The following RADIL variants were observed in gnomAD, a reference collection of about 807,000 sequenced individuals.
The protein encoded by RADIL is Rap associating with DIL domain.
A neutral mutation model predicts 97.6 loss-of-function variants in RADIL; 99 were observed. That is an observed-to-expected ratio of 1.01 (90% CI 0.86 to 1.20). The LOEUF (loss-of-function observed/expected upper bound fraction) is 1.20, where lower values mean the gene tolerates loss of function less well. Among genes scored for constraint, RADIL ranks in the 50% most tolerant of loss-of-function variants. The pLI is 0.00. For synonymous variants in RADIL, 803 were observed against 691.8 expected, an observed-to-expected ratio of 1.16 and a Z score of -2.52; for missense variants, 1,765 against 1,498.9, an observed-to-expected ratio of 1.18 and a Z score of -2.93.
At chr7:4,865,495 C>T (rs2115039044) in intron 2 of RADIL, 2 of 783,062 alleles carry the variant, frequency 2.6e-6, no homozygotes, top group Middle Eastern at 7.1e-4. Flanking sequence ...TCGTAACTCT[C>T]TTTGCTGTTA....
rs1462912286 is a variant in RADIL, at chr7:4,880,457, T to C, written c.-64-2254A>G. On this transcript the variant is annotated intron_variant, in intron 1 of 14. Transcript: ENST00000399583. This position sits in a 1 kb window ranked among gnomAD's most constrained non-coding sequence, Gnocchi z 4.5. ...TCTGACCTCAGTCTCCTGTGGTCAG[T>C]TTTCAAAGTGAGTACTTGGAATCAC... Among the ~76,000 whole-genome samples, 1 of 152,056 alleles carries C rather than the reference T, an allele frequency of 6.6e-6. No individual in the cohort carries two copies. Among genetic ancestry groups the C allele is most frequent in the African/African-American group, 2.4e-5 (1 of 41,398 alleles).
At chr7:4,804,165 G>A (rs532810079) in intron 10 of RADIL, 5 of 295,052 alleles carry the variant, frequency 1.7e-5, no homozygotes, top group African/African-American at 4.3e-5. Flanking sequence ...CAGGAATCAC[G>A]GGACCCAAAC....
chr7:4,815,538 G>A lies in RADIL; in HGVS notation c.1967-88C>T, dbSNP rs1203832880. The A allele has an allele frequency of 1.5e-5, 20 of 1,346,610 alleles. No homozygotes were observed. Among genetic ancestry groups the A allele is most frequent in the East Asian group, 8.1e-5 (3 of 36,894 alleles). The allele number at this position is 1,346,610 out of a possible 1,614,324, so 83.4% of individuals were successfully genotyped here. On this transcript the variant is annotated intron_variant, in intron 8 of 14. Coordinates refer to ENST00000399583, the MANE Select transcript of RADIL (RefSeq NM_018059.5). This position sits in a 1 kb window ranked among gnomAD's most constrained non-coding sequence, Gnocchi z 8.0. The stretch of plus-strand genomic sequence containing the variant: ...CCTGTCCCCAGAGCCTGCCCTTCCC[G>A]GCTCTGGGCCACTGAGGACATCACA...
chr7:4,839,771 A>G (rs1269525161), intron 2 of RADIL, among the ~76,000 whole-genome samples: 1 of 152,104 alleles, frequency 6.6e-6, no homozygotes, highest in Non-Finnish European at 1.5e-5. Context: ...TTTGGGACAG[A>G]GTCTCACTCT....
At chr7:4,830,796 C>T (rs1365794265) in intron 5 of RADIL, among the ~76,000 whole-genome samples, 2 of 152,112 alleles carry the variant, frequency 1.3e-5, no homozygotes, top group Admixed American at 6.6e-5. Context: ...GGGTGGATCA[C>T]AAGGTCAGGA....
intron 2 of RADIL, among the ~76,000 whole-genome samples, chr7:4,868,357 C>A (rs543819169): frequency 6.6e-6 from 1 of 152,332 alleles, no homozygotes; most frequent in East Asian, 1.9e-4. Flanking sequence ...CCACCTTGCC[C>A]GGCCATGAAC....
chr7:4,802,537 CA>C (rs1782134026), intron 11 of RADIL, among the ~76,000 whole-genome samples: 2 of 135,374 alleles, frequency 1.5e-5, no homozygotes, highest in African/African-American at 6.4e-5. Context: ...CTGGGCACCT[CA>C]GGGAATGCTG....
chr7:4,840,633 G>A lies in RADIL; in HGVS notation c.536-4028C>T, dbSNP rs991671427. Among the ~76,000 whole-genome samples the A allele has an allele frequency of 6.6e-6, 1 of 152,134 alleles. No individual in the cohort carries two copies. Among genetic ancestry groups the A allele is most frequent in the East Asian group, 1.9e-4 (1 of 5,186 alleles). ...CCTTATGCTACCAATGGGAGATTCCGCCAACATGAAATAAGTTCAGTGAGA... is the reference window on the plus strand; with the variant it reads ...CCTTATGCTACCAATGGGAGATTCCACCAACATGAAATAAGTTCAGTGAGA... On this transcript the variant is annotated intron_variant, in intron 2 of 14. Coordinates refer to ENST00000399583, the MANE Select transcript of RADIL (RefSeq NM_018059.5). The surrounding 1 kb of genome is among the most constrained non-coding windows in gnomAD (Gnocchi z 5.6).
In RADIL at chr7:4,842,784, G is replaced by A. The variant is rs1240815227; in HGVS notation, c.536-6179C>T. On this transcript the variant is annotated intron_variant, in intron 2 of 14. Transcript: ENST00000399583. This position sits in a 1 kb window ranked among gnomAD's most constrained non-coding sequence, Gnocchi z 4.5. ...CCTCAGAGATGAAGTGACTAGGAGT[G>A]GAGACGGAGGGGATAATGAAACGTT... Among the ~76,000 whole-genome samples, 1 of 152,104 alleles carries A rather than the reference G, an allele frequency of 6.6e-6. No individual in the cohort carries two copies. Among genetic ancestry groups the A allele is most frequent in the Non-Finnish European group, 1.5e-5 (1 of 68,034 alleles).
intron 5 of RADIL, among the ~76,000 whole-genome samples, chr7:4,830,027 CT>C (rs1284748993): frequency 2.0e-5 from 3 of 152,214 alleles, no homozygotes; most frequent in African/African-American, 7.2e-5. Flanking sequence ...GACACACCCC[CT>C]CCCTCACTGC....
chr7:4,859,753 G>A (rs1783927304), intron 2 of RADIL: 1 of 618,580 alleles, frequency 1.6e-6, no homozygotes, highest in South Asian at 2.0e-5. Flanking sequence ...CTATACTGAT[G>A]TTCCCTGAGA....
Position 4,840,041 on chromosome 7 carries a change from G to A in RADIL, c.536-3436C>T, listed in dbSNP as rs946335910. Among the ~76,000 whole-genome samples the A allele has an allele frequency of 1.6e-4, 24 of 152,172 alleles. No homozygotes were observed. Among genetic ancestry groups the A allele is most frequent in the Non-Finnish European group, 2.2e-4 (15 of 68,028 alleles). On this transcript the variant is annotated intron_variant, in intron 2 of 14. Coordinates refer to ENST00000399583, the MANE Select transcript of RADIL (RefSeq NM_018059.5). This position sits in a 1 kb window ranked among gnomAD's most constrained non-coding sequence, Gnocchi z 5.6. ...TGGAATTACAGGCGTGAGCCACCGC[G>A]CCCAGCATAAACACTTTTGTTAAAA... is the stretch of plus-strand genomic sequence containing the variant.
At chr7:4,804,978 C>T (rs1436955420) in intron 10 of RADIL, among the ~76,000 whole-genome samples, 3 of 151,974 alleles carry the variant, frequency 2.0e-5, no homozygotes, top group Non-Finnish European at 4.4e-5. Flanking sequence ...CCTGTAATCC[C>T]AGCTACTAGG....
At position 4,824,976 on chromosome 7, in the gene RADIL, C is replaced by G. The variant is rs967226756; in HGVS notation, c.1455-2422G>C. ...AGACTCGGGCCAGGTTGGCACTGAA[C>G]GCGCCCCCACCTGCCAACCTGGGGC... On this transcript the variant is annotated intron_variant, in intron 5 of 14. Transcript: ENST00000399583. The surrounding 1 kb of genome is among the most constrained non-coding windows in gnomAD (Gnocchi z 6.7). Among the ~76,000 whole-genome samples, 5 of 152,254 alleles carry G rather than the reference C, an allele frequency of 3.3e-5. No homozygotes were observed. The highest frequency in any genetic ancestry group is 3.4e-3 in the Middle Eastern group (1 of 294).
Position 4,879,631 on chromosome 7 carries a change from C to G in RADIL, c.-64-1428G>C, listed in dbSNP as rs1362032798. On this transcript the variant is annotated intron_variant, in intron 1 of 14. Transcript: ENST00000399583. The surrounding 1 kb of genome is among the most constrained non-coding windows in gnomAD (Gnocchi z 4.1). ...CAGCAGCCAACTGTCACTGTCCAGG[C>G]TTGACTCACTCGTCACGCTGCGGGC... 6.6e-6 allele frequency among the ~76,000 whole-genome samples: 1 copy of G among 152,200 alleles called. No homozygotes were observed. The highest frequency in any genetic ancestry group is 1.5e-5 in the Non-Finnish European group (1 of 68,048).
intron 5 of RADIL, among the ~76,000 whole-genome samples, chr7:4,827,609 C>A (rs770921633): frequency 1.3e-5 from 2 of 152,052 alleles, no homozygotes; most frequent in Non-Finnish European, 2.9e-5. Flanking sequence ...TGCAGTGAGC[C>A]GAGATCGTGC....
At chr7:4,809,248 C>T (rs1782463817) in intron 9 of RADIL, 1 of 985,232 alleles carries the variant, frequency 1.0e-6, no homozygotes, top group Non-Finnish European at 1.2e-6. Flanking sequence ...TCGGGCCTGG[C>T]CGCCAAGCTG....
At chr7:4,802,196 A>G (rs529406088) in intron 11 of RADIL, among the ~76,000 whole-genome samples, 2 of 152,318 alleles carry the variant, frequency 1.3e-5, no homozygotes, top group African/African-American at 2.4e-5. Flanking sequence ...GCGCTGGGCC[A>G]GGACTCCCGG....
Sources: gnomAD v4.1 joint callset for allele counts (sites outside exome capture counted in the v4.1 genomes callset) on GRCh38, gnomAD v4.1.1 for gene constraint, Gnocchi (gnomAD v3.1) non-coding constraint, MANE v1.5 for transcripts, NCBI Gene and HGNC (gene_info 2026-07-23, HGNC 2026-07-21) for gene names.